Variants in CR1 observed in about 807,000 individuals in gnomAD.
CR1 encodes the protein complement receptor type 1.
In CR1, 116 loss-of-function variants were observed where a neutral mutation model predicts 187.3. The ratio of observed to expected loss-of-function variants is 0.62; its 90% CI spans 0.53 to 0.72. The LOEUF (loss-of-function observed/expected upper bound fraction) is 0.72. CR1 is among the 30% of genes least tolerant of loss of function. The pLI is 0.00. For synonymous variants in CR1, 576 were observed against 747.1 expected (o/e 0.77, Z 3.73); for missense variants, 1,731 against 2,110.7 (o/e 0.82, Z 3.52).
intron 1 of CR1, among the ~76,000 whole-genome samples, chr1:207,501,918 G>GAT (rs554414151): frequency 7.6e-5 from 11 of 145,586 alleles, no homozygotes; most frequent in African/African-American, 2.5e-4. Flanking sequence ...TTTACTCAGT[G>GAT]TTTTTTTTTT....
intron 1 of CR1, 143 bp downstream of exon 1, chr1:207,496,531 C>A: frequency 1.2e-6 from 1 of 804,584 alleles, no homozygotes; most frequent in South Asian, 2.0e-5. Flanking sequence ...AGCGCGCGAC[C>A]CGGCAGGGCG....
chr1:207,609,435 G>A lies in CR1; in HGVS notation c.6042G>A (p.Arg2014=). The A allele has an allele frequency of 6.2e-7, 1 of 1,613,972 alleles. No homozygotes were observed. Among genetic ancestry groups the A allele is most frequent in the Non-Finnish European group, 8.5e-7 (1 of 1,179,874 alleles). Residue 2014 remains arginine, a synonymous_variant, in exon 37 of 47, where the codon CGG becomes CGA. Coordinates refer to ENST00000367049, the MANE Select transcript of CR1 (RefSeq NM_000651.6). The part of the protein sequence containing the change: ...GEQLFELVGE[R]SIYCTSKDDQ... ...AGCTGTTTGAGCTTGTGGGAGAACG[G>A]TCAATATATTGCACCAGCAAAGATG...
intron 13 of CR1, among the ~76,000 whole-genome samples, chr1:207,544,654 T>C (rs1201831453): frequency 7.2e-6 from 1 of 139,706 alleles, no homozygotes; most frequent in Non-Finnish European, 1.5e-5. Flanking sequence ...ACTCTCATTA[T>C]GGTGACAGTA....
At chr1:207,521,221 C>A (rs2102303390) in intron 4 of CR1, among the ~76,000 whole-genome samples, 1 of 152,144 alleles carries the variant, frequency 6.6e-6, no homozygotes, top group South Asian at 2.1e-4. Flanking sequence ...AGGTGATCTG[C>A]CCACCTCGGC....
chr1:207,603,914 CATGTACACAAGAGACA>C (rs1451854413), intron 35 of CR1, among the ~76,000 whole-genome samples: 1 of 152,198 alleles, frequency 6.6e-6, no homozygotes, highest in African/African-American at 2.4e-5. Context: ...CAGATCTTCA[CATGTACACAAGAGACA>C]AGATTTGCAG....
At chr1:207,564,704 G>A (rs922241765) in intron 23 of CR1, among the ~76,000 whole-genome samples, 1 of 149,958 alleles carries the variant, frequency 6.7e-6, no homozygotes, top group Non-Finnish European at 1.5e-5. Flanking sequence ...CGGAGGCTGA[G>A]GCACCAGAAT....
At chr1:207,615,853 ATTGT>A (rs1662075460) in intron 40 of CR1, among the ~76,000 whole-genome samples, 1 of 152,216 alleles carries the variant, frequency 6.6e-6, no homozygotes, top group Non-Finnish European at 1.5e-5. Flanking sequence ...GAAGTCAATC[ATTGT>A]TTGATGTACT....
chr1:207,587,669 C>A, intron 34 of CR1, 104 bp downstream of exon 34: 1 of 1,147,274 alleles, frequency 8.7e-7, no homozygotes, highest in Non-Finnish European at 1.2e-6. Context: ...GAGGCCAAGG[C>A]TGGCAGATAG....
chr1:207,602,049 A>T (rs1294291916), intron 35 of CR1, among the ~76,000 whole-genome samples: 1 of 152,016 alleles, frequency 6.6e-6, no homozygotes, highest in Non-Finnish European at 1.5e-5. Context: ...TATCATTTCC[A>T]CTTTATTCTA....
At chr1:207,620,118 T>A (rs1662272610) in intron 43 of CR1, 53 bp downstream of exon 43, 2 of 1,546,236 alleles carry the variant, frequency 1.3e-6, no homozygotes, top group African/African-American at 2.7e-5. Flanking sequence ...TTATTGCTCA[T>A]TCATTCATCC....
chr1:207,505,544 G>A (rs888579052), intron 1 of CR1, among the ~76,000 whole-genome samples: 1 of 152,012 alleles, frequency 6.6e-6, no homozygotes, highest in Non-Finnish European at 1.5e-5. Flanking sequence ...AAGGTAGAAT[G>A]GGAATTTCAA....
At chr1:207,590,098 A>G (rs1043947049) in intron 35 of CR1, among the ~76,000 whole-genome samples, 2 of 152,208 alleles carry the variant, frequency 1.3e-5, no homozygotes, top group African/African-American at 4.8e-5. Context: ...AAATTCAGGA[A>G]ATACAGAGAA....
intron 35 of CR1, among the ~76,000 whole-genome samples, chr1:207,593,188 C>T (rs142375484): frequency 0.02 from 3,079 of 151,572 alleles, 112 homozygotes; most frequent in African/African-American, 0.071. Context: ...GGAGGCACCA[C>T]GCTACATGAC....
chr1:207,580,308 G>A lies in CR1; in HGVS notation c.5005G>A (p.Gly1669Arg), dbSNP rs1437672373. ...AAGCCATCAGGACAACTTTTCACCTGGGCAGGAAGTGTTCTACAGCTGTGA... is the reference window on the plus strand; with the variant it reads ...AAGCCATCAGGACAACTTTTCACCTAGGCAGGAAGTGTTCTACAGCTGTGA... ...TPSHQDNFSP[G>R]QEVFYSCEPG... Residue 1669 changes from glycine to arginine, a missense_variant, in exon 30 of 47, where the codon GGG (glycine) becomes AGG (arginine). Gly to Arg is a moderately radical substitution (Grantham distance 125). Transcript: ENST00000367049. 1.2e-6 allele frequency: 2 copies of A among 1,613,670 alleles called. No homozygotes were observed. The highest frequency in any genetic ancestry group is 1.3e-5 in the African/African-American group (1 of 74,876).
chr1:207,542,742 GT>G (rs1337449118), intron 13 of CR1, among the ~76,000 whole-genome samples, 162 bp downstream of exon 13: 1 of 151,378 alleles, frequency 6.6e-6, no homozygotes, highest in Non-Finnish European at 1.5e-5. Context: ...ACATGCACAT[GT>G]GCTGAAATTG....
chr1:207,624,045 C>T (rs931920096), intron 45 of CR1, among the ~76,000 whole-genome samples: 1 of 150,998 alleles, frequency 6.6e-6, no homozygotes, highest in East Asian at 2.0e-4. Context: ...CATGCCTCAG[C>T]CTCCTGAGTA....
intron 45 of CR1, among the ~76,000 whole-genome samples, chr1:207,624,897 T>C (rs1662434282): frequency 6.6e-6 from 1 of 152,144 alleles, no homozygotes; most frequent in Non-Finnish European, 1.5e-5. Flanking sequence ...CAGTCTCTAG[T>C]TAAAACCACA....
chr1:207,581,831 G>T, intron 31 of CR1, 87 bp from the exon 32 acceptor site: 1 of 867,738 alleles, frequency 1.2e-6, no homozygotes, highest in South Asian at 1.4e-5. Flanking sequence ...AATTAACTTA[G>T]GAATTCTCAG....
chr1:207,579,176 C>G (rs1660858983), intron 29 of CR1, among the ~76,000 whole-genome samples: 1 of 152,282 alleles, frequency 6.6e-6, no homozygotes, highest in African/African-American at 2.4e-5. Context: ...ATAATATGCC[C>G]TCTCGTGACA....
Sources: allele counts gnomAD v4.1 joint callset (sites outside exome capture counted in the v4.1 genomes callset), GRCh38; gene constraint gnomAD v4.1.1; transcripts MANE v1.5; gene names NCBI Gene and HGNC (gene_info 2026-07-23, HGNC 2026-07-21).